KCNIP4: variants seen among roughly 807,000 people sequenced by gnomAD.
KCNIP4 encodes the protein Kv channel-interacting protein 4.
A neutral mutation model predicts 34.0 loss-of-function variants in KCNIP4; 12 were observed. The observed-to-expected ratio is 0.35, with a 90% CI of 0.23 to 0.57. The LOEUF is 0.57. Among genes scored for constraint, KCNIP4 ranks in the 20% least tolerant of loss-of-function variants. The pLI is 0.83. For synonymous variants in KCNIP4, 124 were observed against 102.2 expected (o/e 1.21, Z -1.29); for missense variants, 238 against 311.7 (o/e 0.76, Z 1.78).
At chr4:21,812,809 G>A (rs1474958887) in intron 1 of KCNIP4, among the ~76,000 whole-genome samples, 1 of 152,100 alleles carries the variant, frequency 6.6e-6, no homozygotes, top group Non-Finnish European at 1.5e-5. Context: ...AAGGCTATTG[G>A]TCAAAATCAC....
intron 1 of KCNIP4, among the ~76,000 whole-genome samples, chr4:21,369,602 A>C (rs12513069): frequency 6.9e-6 from 1 of 144,648 alleles, no homozygotes; most frequent in Non-Finnish European, 1.5e-5. Context: ...GTCTCTAAAA[A>C]TTTTTTTAAA....
At chr4:21,672,212 C>A (rs967631833) in intron 1 of KCNIP4, among the ~76,000 whole-genome samples, 2 of 152,120 alleles carry the variant, frequency 1.3e-5, no homozygotes, top group Non-Finnish European at 2.9e-5. Flanking sequence ...AGCAAACCAC[C>A]ATAGCACGTG....
intron 1 of KCNIP4, among the ~76,000 whole-genome samples, chr4:20,959,718 C>CTGTG (rs1733664921): frequency 6.6e-6 from 1 of 152,110 alleles, no homozygotes; most frequent in Non-Finnish European, 1.5e-5. Context: ...CTCTTCCCAC[C>CTGTG]TTGAACCCTT....
intron 1 of KCNIP4, among the ~76,000 whole-genome samples, chr4:20,892,561 T>C (rs1726040352): frequency 6.6e-6 from 1 of 152,168 alleles, no homozygotes. Flanking sequence ...TCTGTTTCTG[T>C]CTCTACCCCG....
chr4:21,655,565 T>C (rs1205755297), intron 1 of KCNIP4, among the ~76,000 whole-genome samples: 2 of 152,220 alleles, frequency 1.3e-5, no homozygotes, highest in African/African-American at 4.8e-5. Context: ...TATACTCTTA[T>C]TTAATCTCCT....
intron 1 of KCNIP4, among the ~76,000 whole-genome samples, chr4:21,822,934 G>GT (rs1722451243): frequency 6.6e-6 from 1 of 151,974 alleles, no homozygotes; most frequent in African/African-American, 2.4e-5. Context: ...GGCCAGGCTG[G>GT]TCTCGAACTC....
chr4:20,827,751 A>T (rs1172420762), intron 3 of KCNIP4, among the ~76,000 whole-genome samples: 3 of 151,652 alleles, frequency 2.0e-5, no homozygotes, highest in Non-Finnish European at 4.4e-5. Flanking sequence ...TATCAATTTC[A>T]TGCTGCAGTT....
At chr4:20,883,484 C>T (rs1408987951) in intron 1 of KCNIP4, among the ~76,000 whole-genome samples, 2 of 152,016 alleles carry the variant, frequency 1.3e-5, no homozygotes, top group African/African-American at 2.4e-5. Flanking sequence ...ACTGCTGAAA[C>T]AACTTTTGAT....
chr4:21,551,994 T>C (rs888345590), intron 1 of KCNIP4, among the ~76,000 whole-genome samples: 1 of 151,020 alleles, frequency 6.6e-6, no homozygotes, highest in Non-Finnish European at 1.5e-5. Flanking sequence ...TCCAGTTATA[T>C]CTAGGTTATT....
intron 1 of KCNIP4, among the ~76,000 whole-genome samples, chr4:21,561,681 A>G (rs1053283261): frequency 6.6e-6 from 1 of 151,952 alleles, no homozygotes; most frequent in African/African-American, 2.4e-5. Context: ...AAAAGCTGTT[A>G]AGGCAATTAA....
At chr4:20,882,820 C>T in intron 1 of KCNIP4, 111 bp from the exon 2 acceptor site, 5 of 726,996 alleles carry the variant, frequency 6.9e-6, no homozygotes, top group Non-Finnish European at 9.2e-6. Flanking sequence ...CAGCCATCCA[C>T]TCAGGCAATC....
At chr4:21,774,001 G>T (rs2109197170) in intron 1 of KCNIP4, among the ~76,000 whole-genome samples, 1 of 151,986 alleles carries the variant, frequency 6.6e-6, no homozygotes, top group East Asian at 1.9e-4. Flanking sequence ...TGGTTATTTT[G>T]CACACTAGCT....
chr4:21,426,894 T>C (rs999960797), intron 1 of KCNIP4, among the ~76,000 whole-genome samples: 7 of 114,716 alleles, frequency 6.1e-5, no homozygotes, highest in African/African-American at 2.2e-4. Context: ...AGCATGTCAC[T>C]TTTTTAACTT....
chr4:21,675,658 ACC>A (rs1201208545), intron 1 of KCNIP4, among the ~76,000 whole-genome samples: 8 of 152,208 alleles, frequency 5.3e-5, no homozygotes, highest in African/African-American at 1.7e-4. Context: ...ATTTCAATTT[ACC>A]ACCTTGCCTT....
intron 1 of KCNIP4, among the ~76,000 whole-genome samples, chr4:21,657,903 G>C (rs935082778): frequency 4.6e-5 from 7 of 151,106 alleles, no homozygotes; most frequent in South Asian, 2.1e-4. Flanking sequence ...GCAGTGGAAC[G>C]ATCTCGGCTC....
intron 1 of KCNIP4, among the ~76,000 whole-genome samples, chr4:21,500,465 T>C (rs1183252754): frequency 1.3e-5 from 2 of 152,130 alleles, no homozygotes; most frequent in Non-Finnish European, 2.9e-5. Flanking sequence ...TTAACAAGTA[T>C]CTTTGCCACC....
At chr4:20,956,322 C>T (rs1388861780) in intron 1 of KCNIP4, among the ~76,000 whole-genome samples, 1 of 151,966 alleles carries the variant, frequency 6.6e-6, no homozygotes, top group African/African-American at 2.4e-5. Context: ...GGCTAACACA[C>T]TGAAACCCCA....
chr4:21,374,913 A>G (rs949623684), intron 1 of KCNIP4, among the ~76,000 whole-genome samples: 16 of 147,360 alleles, frequency 1.1e-4, no homozygotes, highest in African/African-American at 2.7e-5. Context: ...CATTTCTTGG[A>G]CTTATTTATA....
chr4:20,743,168 A>G (rs957186934), intron 5 of KCNIP4, among the ~76,000 whole-genome samples: 2 of 152,210 alleles, frequency 1.3e-5, no homozygotes, highest in Admixed American at 1.3e-4. Context: ...GGAAGAATCC[A>G]TATCGTGAAC....
Sources: allele counts gnomAD v4.1 joint callset (sites outside exome capture counted in the v4.1 genomes callset), GRCh38; gene constraint gnomAD v4.1.1; transcripts MANE v1.5; gene names NCBI Gene and HGNC (gene_info 2026-07-23, HGNC 2026-07-21).